The following IQCH variants were observed in gnomAD, a reference collection of about 807,000 sequenced individuals.
IQCH encodes the protein IQ domain-containing protein H.
Under a neutral mutation model 117.0 loss-of-function variants are expected in IQCH, and 98 were observed. The observed-to-expected ratio is 0.84, with a 90% confidence interval of 0.71 to 0.99. IQCH has a LOEUF of 0.99. Ranked by LOEUF, IQCH falls within the 50% of genes least tolerant of loss-of-function variation. The pLI, the probability that IQCH is intolerant of heterozygous loss-of-function variation, is 0.00. For synonymous variants in IQCH, 412 were observed against 448.2 expected (o/e 0.92, Z 1.02); for missense variants, 1,102 against 1,243.8 (o/e 0.89, Z 1.72).
Position 67,417,302 on chromosome 15 carries a change from C to A in IQCH, c.2218+251C>A, listed in dbSNP as rs1455634538. Reference sequence around the variant, plus strand: ...TCTGGGCCTTTTTTTACACTACAAACTTCTCCTGAGAGGTGGGCTTTGGAA... The same window carrying A: ...TCTGGGCCTTTTTTTACACTACAAAATTCTCCTGAGAGGTGGGCTTTGGAA... On this transcript the variant is annotated intron_variant, in intron 15 of 20. Transcript: ENST00000335894. This position sits in a 1 kb window ranked among gnomAD's most constrained non-coding sequence, Gnocchi z 4.3. 1.3e-5 allele frequency among the ~76,000 whole-genome samples: 2 copies of A among 152,180 alleles called. No individual in the cohort carries two copies. The highest frequency in any genetic ancestry group is 4.8e-5 in the African/African-American group (2 of 41,448).
At chr15:67,325,643 G>T (rs1017132787) in intron 4 of IQCH, among the ~76,000 whole-genome samples, 1 of 152,030 alleles carries the variant, frequency 6.6e-6, no homozygotes, top group Non-Finnish European at 1.5e-5. Flanking sequence ...AGTGCATCAT[G>T]AGTCTCTTCA....
chr15:67,265,433 A>G (rs1460707647), intron 3 of IQCH, among the ~76,000 whole-genome samples: 1 of 152,160 alleles, frequency 6.6e-6, no homozygotes, highest in Non-Finnish European at 1.5e-5. Flanking sequence ...GAAGATGGGG[A>G]GCCTGTCAAG....
chr15:67,441,980 T>C (rs548322455), intron 16 of IQCH, among the ~76,000 whole-genome samples: 29 of 152,292 alleles, frequency 1.9e-4, no homozygotes, highest in Middle Eastern at 6.8e-3. Context: ...TTGCCATCTA[T>C]ACATCTGACA....
At position 67,456,076 on chromosome 15, in the gene IQCH, T is replaced by G. The variant is rs1457281114; in HGVS notation, c.2506-9051T>G. On this transcript the variant is annotated intron_variant, in intron 16 of 20. Transcript: ENST00000335894. The surrounding 1 kb of genome is among the most constrained non-coding windows in gnomAD (Gnocchi z 5.1). ...CTTGAAAGTAATAGAGGGAGGGTCA[T>G]AAATGCATGGAGGCTGCAGAAGAAA... 6.6e-6 allele frequency among the ~76,000 whole-genome samples: 1 copy of G among 152,076 alleles called. No homozygotes were observed. The highest frequency in any genetic ancestry group is 2.4e-5 in the African/African-American group (1 of 41,420).
rs2082060820 is a variant in IQCH at position 67,433,476 on chromosome 15, C to G, written c.2505+11899C>G. On this transcript the variant is annotated intron_variant, in intron 16 of 20. Coordinates refer to ENST00000335894, the MANE Select transcript of IQCH (RefSeq NM_001031715.3). The surrounding 1 kb of genome is among the most constrained non-coding windows in gnomAD (Gnocchi z 5.4). ...TATTGAACCCAAGCCTAAATATCAGCTCTTGGGTAGGATTTTGGTTGATCT... is the reference window on the plus strand; with the variant it reads ...TATTGAACCCAAGCCTAAATATCAGGTCTTGGGTAGGATTTTGGTTGATCT... Among the ~76,000 whole-genome samples, 1 of 152,194 alleles carries G rather than the reference C, an allele frequency of 6.6e-6. No homozygotes were observed. The highest frequency in any genetic ancestry group is 2.4e-5 in the African/African-American group (1 of 41,444).
In IQCH at chr15:67,463,635, G is replaced by A. The variant is rs751892522; in HGVS notation, c.2506-1492G>A. Among the ~76,000 whole-genome samples the A allele has an allele frequency of 2.4e-4, 36 of 152,106 alleles. No homozygotes were observed. The highest frequency in any genetic ancestry group is 4.7e-4 in the Non-Finnish European group (32 of 68,002). On this transcript the variant is annotated intron_variant, in intron 16 of 20. Coordinates refer to ENST00000335894, the MANE Select transcript of IQCH (RefSeq NM_001031715.3). This position sits in a 1 kb window ranked among gnomAD's most constrained non-coding sequence, Gnocchi z 4.0. The stretch of plus-strand genomic sequence containing the variant: ...TTCACCCAGCTTCATAAAAACTGCA[G>A]GTACTTGATACATGGGACCAGTTGT...
At chr15:67,255,964 A>G (rs1021008199) in intron 1 of IQCH, among the ~76,000 whole-genome samples, 1 of 152,158 alleles carries the variant, frequency 6.6e-6, no homozygotes, top group African/African-American at 2.4e-5. Context: ...GGAACGGTCC[A>G]CAAAAAACTG....
At position 67,475,790 on chromosome 15, in the gene IQCH, G is replaced by A; in HGVS notation, c.2771G>A (p.Arg924Lys). 1.9e-6 allele frequency: 3 copies of A among 1,614,132 alleles called. 1 individual carries two copies. The highest frequency in any genetic ancestry group is 2.2e-5 in the South Asian group (2 of 91,080). Reference sequence around the variant, plus strand: ...CACTATGTTTTTCTCCAGATCTGTAGGGCCCATGGCATTGGCTATGATGTT... The same window carrying A: ...CACTATGTTTTTCTCCAGATCTGTAAGGCCCATGGCATTGGCTATGATGTT... ...VFHYVFLQICRAHGIGYDVEE... is the reference protein window; with the variant it reads ...VFHYVFLQICKAHGIGYDVEE... The change falls in exon 18 of 21, where the codon AGG becomes AAG. Residue 924 changes from arginine to lysine, a missense_variant. Arg to Lys is a conservative substitution (Grantham distance 26). Transcript: ENST00000335894. This position sits in a 1 kb window ranked among gnomAD's most constrained non-coding sequence, Gnocchi z 5.7.
In IQCH at chr15:67,347,172, A is replaced by G. The variant is rs556358105; in HGVS notation, c.637+2981A>G. Among the ~76,000 whole-genome samples the G allele has an allele frequency of 1.1e-4, 17 of 151,924 alleles. No homozygotes were observed. The South Asian group carries it at 3.5e-3, about 32-fold the overall frequency. ...CAAGCAGCAGATGGAAATAATAGAGACAAAAGTAGAAGTCAGTGAAATGGA... is the reference window on the plus strand; with the variant it reads ...CAAGCAGCAGATGGAAATAATAGAGGCAAAAGTAGAAGTCAGTGAAATGGA... On this transcript the variant is annotated intron_variant, in intron 6 of 20. Transcript: ENST00000335894.
rs76970810 is a variant in IQCH, at chr15:67,447,430, C to A, written c.2506-17697C>A. On this transcript the variant is annotated intron_variant, in intron 16 of 20. Transcript: ENST00000335894. This position sits in a 1 kb window ranked among gnomAD's most constrained non-coding sequence, Gnocchi z 5.3. ...GGAAACAGTGGCAAAGTCATGGAAT[C>A]CAGATTCATCTCTCAGATAACTGAA... Among the ~76,000 whole-genome samples, 15 of 152,250 alleles carry A rather than the reference C, an allele frequency of 9.9e-5. No homozygotes were observed. In the East Asian group the frequency reaches 2.5e-3, roughly 25 times the overall value.
chr15:67,368,303 G>A (rs961865795), intron 8 of IQCH, among the ~76,000 whole-genome samples: 15 of 152,152 alleles, frequency 9.9e-5, no homozygotes, highest in Non-Finnish European at 1.6e-4. Flanking sequence ...ATTCCGGACC[G>A]CTGATTAGGT....
chr15:67,392,533 T>G (rs886665110), intron 12 of IQCH, among the ~76,000 whole-genome samples: 1 of 152,178 alleles, frequency 6.6e-6, no homozygotes, highest in Middle Eastern at 3.4e-3. Flanking sequence ...TCTCAGCATT[T>G]TGGGAGGCCA....
At position 67,494,283 on chromosome 15, in the gene IQCH, GTCC is replaced by G; in HGVS notation, c.2890_2892del (p.Leu964del). The G allele has an allele frequency of 6.2e-7, 1 of 1,611,476 alleles. No homozygotes were observed. Among genetic ancestry groups the G allele is most frequent in the Non-Finnish European group, 8.5e-7 (1 of 1,179,312 alleles). The stretch of plus-strand genomic sequence containing the variant: ...AACAATCGGCGAGGATCTCCAGGGG[GTCC>G]TCATGACCTTTGCTCGCCATCTCTT... On this transcript the variant is annotated inframe_deletion, in exon 20 of 21. Transcript: ENST00000335894. This position sits in a 1 kb window ranked among gnomAD's most constrained non-coding sequence, Gnocchi z 5.5.
intron 3 of IQCH, among the ~76,000 whole-genome samples, chr15:67,265,529 A>G (rs1425961315): frequency 2.0e-5 from 3 of 152,220 alleles, no homozygotes; most frequent in African/African-American, 7.2e-5. Context: ...GTGGCATGCC[A>G]TCAGAAATGA....
chr15:67,497,780 G>A lies in IQCH; in HGVS notation c.2971-2853G>A, dbSNP rs145794784. Among the ~76,000 whole-genome samples the A allele has an allele frequency of 7.9e-3, 1,197 of 152,182 alleles. 13 individuals are homozygous for A. The highest frequency in any genetic ancestry group is 0.026 in the African/African-American group (1,059 of 41,506). ...GCTGGGATTACAGCCGTGAACCACC[G>A]CGCCTGGCCAGGAATAAATTTAACA... On this transcript the variant is annotated intron_variant, in intron 20 of 20. Transcript: ENST00000335894.
At chr15:67,499,919 C>T (rs779078990) in intron 20 of IQCH, among the ~76,000 whole-genome samples, 7 of 152,038 alleles carry the variant, frequency 4.6e-5, no homozygotes, top group Non-Finnish European at 8.8e-5. Flanking sequence ...AGAGGTAGAT[C>T]CATAGAGACA....
chr15:67,344,313 T>C (rs1039209811), intron 6 of IQCH, 122 bp downstream of exon 6: 3 of 737,468 alleles, frequency 4.1e-6, no homozygotes, highest in Non-Finnish European at 6.4e-6. Context: ...GTTGTAATCA[T>C]CCTGAGTTTC....
chr15:67,458,476 G>T lies in IQCH; in HGVS notation c.2506-6651G>T, dbSNP rs2082710971. On this transcript the variant is annotated intron_variant, in intron 16 of 20. Transcript: ENST00000335894. The surrounding 1 kb of genome is among the most constrained non-coding windows in gnomAD (Gnocchi z 4.1). ...CAATTACTGCAAGTCTTCCTAACTG[G>T]ACTCCCTGTTTCCATCCTTGCCCCC... Among the ~76,000 whole-genome samples the T allele has an allele frequency of 6.6e-6, 1 of 152,142 alleles. No individual in the cohort carries two copies. The highest frequency in any genetic ancestry group is 1.5e-5 in the Non-Finnish European group (1 of 68,030).
rs2082017749 is a variant in IQCH at position 67,431,450 on chromosome 15, CAT to C, written c.2505+9875_2505+9876del. Among the ~76,000 whole-genome samples, 1 of 151,934 alleles carries C rather than the reference CAT, an allele frequency of 6.6e-6. No homozygotes were observed. Among genetic ancestry groups the C allele is most frequent in the African/African-American group, 2.4e-5 (1 of 41,328 alleles). ...GCTAAATGATGAGAATACAGGGACA[CAT>C]AGAGGGGAACACCACGCACTGAGGC... is the stretch of plus-strand genomic sequence containing the variant. On this transcript the variant is annotated intron_variant, in intron 16 of 20. Coordinates refer to ENST00000335894, the MANE Select transcript of IQCH (RefSeq NM_001031715.3). The surrounding 1 kb of genome is among the most constrained non-coding windows in gnomAD (Gnocchi z 4.8).
Sources: allele counts gnomAD v4.1 joint callset (sites outside exome capture counted in the v4.1 genomes callset), GRCh38; gene constraint gnomAD v4.1.1; non-coding constraint Gnocchi (gnomAD v3.1); transcripts MANE v1.5; gene names NCBI Gene and HGNC (gene_info 2026-07-23, HGNC 2026-07-21).